Variants in SSX2IP observed in about 807,000 individuals in gnomAD.
SSX2IP encodes SSX family member 2 interacting protein.
A neutral mutation model predicts 84.9 loss-of-function variants in SSX2IP; 55 were observed. That is an observed-to-expected ratio of 0.65 (90% CI 0.52 to 0.81). SSX2IP has a LOEUF of 0.81. SSX2IP is among the 30% of genes least tolerant of loss of function. The probability of loss-of-function intolerance (pLI) is 0.00; values close to 1 mark genes in which losing one functional copy is unlikely to be tolerated. For synonymous variants in SSX2IP, 239 were observed against 234.7 expected (o/e 1.02, Z -0.17); for missense variants, 664 against 705.2 (o/e 0.94, Z 0.66).
rs2102073952 is a variant in SSX2IP at position 84,643,964 on chromosome 1, C to T, written c.*3469G>A. ...AATATCCACCCACTCTAATTTACAT[C>T]CAGCTTGAAAAACACTGTATTTAGA... On this transcript the variant is annotated 3_prime_UTR_variant, in exon 14 of 14. Transcript: ENST00000342203. 1 of 152,230 alleles carries T rather than the reference C, an allele frequency of 6.6e-6. No individual in the cohort carries two copies. The highest frequency in any genetic ancestry group is 2.1e-4 in the South Asian group (1 of 4,820). The allele number at this position is 152,230 out of a possible 1,614,324, so 9.4% of individuals were successfully genotyped here. A position where few individuals can be genotyped will look rare whatever the true frequency, so the allele number is the denominator to read the frequency against.
chr1:84,682,896 A>G (rs748795341), intron 1 of SSX2IP, among the ~76,000 whole-genome samples: 2 of 152,202 alleles, frequency 1.3e-5, no homozygotes, highest in Non-Finnish European at 2.9e-5. Context: ...CAATAAAATA[A>G]TTTATTAAGC....
chr1:84,672,211 G>C (rs1653677278), intron 1 of SSX2IP, among the ~76,000 whole-genome samples: 1 of 152,102 alleles, frequency 6.6e-6, no homozygotes, highest in Admixed American at 6.5e-5. Context: ...TGATTTCAAG[G>C]TCAGGGGGAA....
At chr1:84,659,564 C>A (rs962218018) in intron 8 of SSX2IP, among the ~76,000 whole-genome samples, 1 of 152,056 alleles carries the variant, frequency 6.6e-6, no homozygotes, top group African/African-American at 2.4e-5. Context: ...CTTTGGGAGG[C>A]AGAGGTGGGT....
intron 1 of SSX2IP, among the ~76,000 whole-genome samples, chr1:84,686,150 G>A (rs1655752635): frequency 6.6e-6 from 1 of 151,948 alleles, no homozygotes; most frequent in Non-Finnish European, 1.5e-5. Flanking sequence ...TACACATGAA[G>A]TAACTTAAAT....
Position 84,656,466 on chromosome 1 carries a change from T to C in SSX2IP, c.1097A>G (p.Glu366Gly), listed in dbSNP as rs1160131335. 1.2e-6 allele frequency: 2 copies of C among 1,612,374 alleles called. No individual in the cohort carries two copies. The highest frequency in any genetic ancestry group is 8.5e-7 in the Non-Finnish European group (1 of 1,179,244). ...LDNQVSKVHL[E>G]GFNDEDVISR... ...GATTACATCTTCATCATTAAAACCT[T>C]CCAGGTGTACCTTTGAAACTAAGAC... The change falls in exon 10 of 14, where the codon GAA becomes GGA. Residue 366 changes from glutamate to glycine, a missense_variant. Coordinates refer to ENST00000342203, the MANE Select transcript of SSX2IP (RefSeq NM_001166293.2).
chr1:84,653,641 A>G (rs568946647), intron 11 of SSX2IP, among the ~76,000 whole-genome samples: 1 of 152,230 alleles, frequency 6.6e-6, no homozygotes, highest in South Asian at 2.1e-4. Flanking sequence ...TTCCCTGAAG[A>G]TAGCTACTGA....
chr1:84,677,089 C>T (rs1016116100), intron 1 of SSX2IP, among the ~76,000 whole-genome samples: 2 of 152,190 alleles, frequency 1.3e-5, no homozygotes, highest in South Asian at 2.1e-4. Flanking sequence ...CGTGCATGCA[C>T]ATCCAACTGA....
chr1:84,664,326 C>T (rs1170647305), intron 6 of SSX2IP, 91 bp downstream of exon 6: 6 of 1,225,720 alleles, frequency 4.9e-6, no homozygotes, highest in South Asian at 2.2e-5. Context: ...AATAACATTT[C>T]GTGAGTTACT....
chr1:84,690,717 CCGCGCGCGCTGCGGG>C (rs1656509911), upstream of SSX2IP: 3 of 152,344 alleles, frequency 2.0e-5, no homozygotes, highest in African/African-American at 7.2e-5. Flanking sequence ...TCCCTGCGGT[CCGCGCGCGCTGCGGG>C]CGCAGCTGCG....
intron 11 of SSX2IP, among the ~76,000 whole-genome samples, chr1:84,654,226 G>C (rs1650744047): frequency 6.6e-6 from 1 of 152,002 alleles, no homozygotes; most frequent in African/African-American, 2.4e-5. Flanking sequence ...GAAGTATCCT[G>C]GTAAAATTTC....
intron 6 of SSX2IP, 61 bp downstream of exon 6, chr1:84,664,355 AT>A: frequency 2.2e-6 from 3 of 1,394,958 alleles, no homozygotes; most frequent in African/African-American, 3.0e-5. Context: ...TCCTTTTACA[AT>A]TATTTCTAAG....
intron 1 of SSX2IP, among the ~76,000 whole-genome samples, chr1:84,683,243 A>C (rs1220656809): frequency 6.6e-6 from 1 of 151,878 alleles, no homozygotes; most frequent in East Asian, 1.9e-4. Flanking sequence ...CCCCGCATGC[A>C]TTAGTTATTT....
chr1:84,674,046 T>A (rs530014275), intron 1 of SSX2IP, among the ~76,000 whole-genome samples: 1 of 152,324 alleles, frequency 6.6e-6, no homozygotes, highest in African/African-American at 2.4e-5. Context: ...TCTAGCTTTC[T>A]GAGATAATCA....
At chr1:84,647,763 C>A (rs942763945) in intron 13 of SSX2IP, among the ~76,000 whole-genome samples, 156 bp from the exon 14 acceptor site, 1 of 137,654 alleles carries the variant, frequency 7.3e-6, no homozygotes, top group Non-Finnish European at 1.6e-5. Flanking sequence ...AAAAAAAAAA[C>A]GGCTGGGAGC....
At chr1:84,650,605 G>T in intron 12 of SSX2IP, 78 bp from the exon 13 acceptor site, 1 of 1,473,310 alleles carries the variant, frequency 6.8e-7, no homozygotes, top group South Asian at 1.2e-5. Flanking sequence ...TCATCAGGAT[G>T]ATTCATCTGC....
At chr1:84,663,791 T>A (rs2102349256) in intron 6 of SSX2IP, among the ~76,000 whole-genome samples, 1 of 152,360 alleles carries the variant, frequency 6.6e-6, no homozygotes, top group South Asian at 2.1e-4. Flanking sequence ...CTCGTATTTA[T>A]ACCAGGCCAG....
At chr1:84,661,991 C>A (rs148395047) in intron 8 of SSX2IP, among the ~76,000 whole-genome samples, 2 of 152,060 alleles carry the variant, frequency 1.3e-5, no homozygotes, top group Non-Finnish European at 2.9e-5. Flanking sequence ...ATTAATTCCC[C>A]GGAAAATCAT....
chr1:84,648,622 A>G (rs1482715145), intron 13 of SSX2IP, among the ~76,000 whole-genome samples: 2 of 152,216 alleles, frequency 1.3e-5, no homozygotes, highest in Non-Finnish European at 2.9e-5. Flanking sequence ...ATATATAAAA[A>G]CAATTGAGAC....
intron 9 of SSX2IP, among the ~76,000 whole-genome samples, chr1:84,657,812 T>G (rs971809548): frequency 6.6e-6 from 1 of 152,340 alleles, no homozygotes; most frequent in East Asian, 1.9e-4. Flanking sequence ...TTTTTCTCAG[T>G]GAGGTTCAAA....
Sources: gnomAD v4.1 joint callset for allele counts (sites outside exome capture counted in the v4.1 genomes callset) on GRCh38, gnomAD v4.1.1 for gene constraint, MANE v1.5 for transcripts, NCBI Gene and HGNC (gene_info 2026-07-23, HGNC 2026-07-21) for gene names.